Variants in PIK3R5 observed in about 807,000 individuals in gnomAD.
PIK3R5 encodes phosphoinositide-3-kinase regulatory subunit 5, also known as phosphoinositide 3-kinase regulatory subunit 5.
Under a neutral mutation model 94.9 loss-of-function variants are expected in PIK3R5, and 32 were observed. The ratio of observed to expected loss-of-function variants is 0.34; its 90% CI spans 0.25 to 0.45. The LOEUF (loss-of-function observed/expected upper bound fraction) is 0.45, where lower values mean the gene tolerates loss of function less well. PIK3R5 is among the 20% of genes least tolerant of loss of function. PIK3R5 has a pLI of 1.00. For missense variants in PIK3R5, 853 were observed against 1,144.6 expected, an observed-to-expected ratio of 0.75 and a Z score of 3.68; for synonymous variants, 443 against 479.4, an observed-to-expected ratio of 0.92 and a Z score of 0.99.
At chr17:8,951,818 C>T (rs1233303157) in intron 1 of PIK3R5, among the ~76,000 whole-genome samples, 1 of 152,200 alleles carries the variant, frequency 6.6e-6, no homozygotes, top group African/African-American at 2.4e-5. Context: ...CAAAATTGTT[C>T]TTCCATATCT....
At chr17:8,959,678 C>T (rs1737769832) in intron 1 of PIK3R5, among the ~76,000 whole-genome samples, 1 of 152,192 alleles carries the variant, frequency 6.6e-6, no homozygotes, top group South Asian at 2.1e-4. Flanking sequence ...ACCACCAAGC[C>T]ATGCAGGAAC....
rs7220219 is a variant in PIK3R5, at chr17:8,929,112, A to G, written c.-13-17605T>C. On this transcript the variant is annotated intron_variant, in intron 1 of 18. Coordinates refer to ENST00000447110, the MANE Select transcript of PIK3R5 (RefSeq NM_001142633.3). ...AAATAGATATATATAAAAGCATTAC[A>G]GATAAAATAAAAAATGAATTCTAAA... Among the ~76,000 whole-genome samples, 624 of 152,340 alleles carry G rather than the reference A, an allele frequency of 4.1e-3. 4 individuals are homozygous for G. Among genetic ancestry groups the G allele is most frequent in the African/African-American group, 0.014 (578 of 41,586 alleles).
rs2090516854 is a variant in PIK3R5, at chr17:8,911,162, G to T, written c.103+230C>A. On this transcript the variant is annotated intron_variant, in intron 2 of 18. Transcript: ENST00000447110. The surrounding 1 kb of genome is among the most constrained non-coding windows in gnomAD (Gnocchi z 5.3). ...AGAAGTAAAAGGCAGCCAGCCCTGA[G>T]TAGGATGAGGAAGATGCCGTGGGAG... Among the ~76,000 whole-genome samples, 1 of 152,230 alleles carries T rather than the reference G, an allele frequency of 6.6e-6. No individual in the cohort carries two copies. Among genetic ancestry groups the T allele is most frequent in the African/African-American group, 2.4e-5 (1 of 41,456 alleles).
At chr17:8,959,195 C>T (rs574051211) in intron 1 of PIK3R5, among the ~76,000 whole-genome samples, 4 of 152,266 alleles carry the variant, frequency 2.6e-5, no homozygotes, top group Non-Finnish European at 5.9e-5. Context: ...ACCAGTGAGT[C>T]GCTACCAGTG....
chr17:8,943,661 T>A (rs2091225412), intron 1 of PIK3R5, among the ~76,000 whole-genome samples: 3 of 152,182 alleles, frequency 2.0e-5, no homozygotes, highest in African/African-American at 7.2e-5. Context: ...CAGTCCCAGC[T>A]GTTCAGGAGG....
chr17:8,960,241 A>G (rs769076046), intron 1 of PIK3R5, among the ~76,000 whole-genome samples: 1 of 152,224 alleles, frequency 6.6e-6, no homozygotes, highest in African/African-American at 2.4e-5. Flanking sequence ...TATTCACTAC[A>G]TGGTAGGTAT....
intron 2 of PIK3R5, among the ~76,000 whole-genome samples, chr17:8,910,357 C>G (rs571447440): frequency 6.6e-6 from 1 of 152,342 alleles, no homozygotes; most frequent in South Asian, 2.1e-4. Flanking sequence ...CGATAGCCCT[C>G]TCCCCAGCCC....
At chr17:8,931,323 A>G (rs1330558705) in intron 1 of PIK3R5, among the ~76,000 whole-genome samples, 1 of 152,178 alleles carries the variant, frequency 6.6e-6, no homozygotes, top group Non-Finnish European at 1.5e-5. Context: ...GGGTGCTTTC[A>G]CCATCAGATG....
At position 8,892,511 on chromosome 17, in the gene PIK3R5, G is replaced by C. The variant is rs1032579551; in HGVS notation, c.482+1075C>G. Among the ~76,000 whole-genome samples, 5 of 152,046 alleles carry C rather than the reference G, an allele frequency of 3.3e-5. No individual in the cohort carries two copies. Among genetic ancestry groups the C allele is most frequent in the African/African-American group, 1.2e-4 (5 of 41,384 alleles). On this transcript the variant is annotated intron_variant, in intron 6 of 18. Coordinates refer to ENST00000447110, the MANE Select transcript of PIK3R5 (RefSeq NM_001142633.3). The surrounding 1 kb of genome is among the most constrained non-coding windows in gnomAD (Gnocchi z 4.3). ...AAAATCCCTTTCTCACGGGGTTAAC[G>C]TGAGGATTAAATGAGTCAGCACATG...
intron 1 of PIK3R5, among the ~76,000 whole-genome samples, chr17:8,924,652 T>C (rs1002983341): frequency 3.3e-5 from 5 of 152,148 alleles, no homozygotes; most frequent in African/African-American, 1.2e-4. Context: ...CACGGGCACA[T>C]CTTCACTAGT....
Position 8,888,570 on chromosome 17 carries a change from CGCCT to C in PIK3R5, c.1213_1216del (p.Arg405ValfsTer48). 6 of 1,612,136 alleles carry C rather than the reference CGCCT, an allele frequency of 3.7e-6. No individual in the cohort carries two copies. In the South Asian group the frequency reaches 6.6e-5, roughly 18 times the overall value. On this transcript the variant is annotated frameshift_variant, in exon 10 of 19. Transcript: ENST00000447110. LOFTEE classifies it high-confidence loss of function. The surrounding 1 kb of genome is among the most constrained non-coding windows in gnomAD (Gnocchi z 7.8). ...GTGGCCTCGGCGTTCCTGGCTGCCA[CGCCT>C]CCAAGGCCACTCGGAGGAGCTCTCC...
chr17:8,891,001 T>A, intron 6 of PIK3R5, 89 bp from the exon 7 acceptor site: 2 of 1,305,360 alleles, frequency 1.5e-6, no homozygotes, highest in Non-Finnish European at 2.1e-6. Flanking sequence ...GGTGCTCAGC[T>A]CCACTGAGAC....
At position 8,905,658 on chromosome 17, in the gene PIK3R5, C is replaced by T. The variant is rs201192024; in HGVS notation, c.273+11G>A. On this transcript the variant is annotated intron_variant, in intron 4 of 18. Transcript: ENST00000447110. Reference sequence around the variant, plus strand: ...CCCTCACCTCCAGCATCCTGGCCCACGTGGACTTACACAAAGAACAGTGGA... The same window carrying T: ...CCCTCACCTCCAGCATCCTGGCCCATGTGGACTTACACAAAGAACAGTGGA... 4.0e-5 allele frequency: 64 copies of T among 1,588,302 alleles called. No individual in the cohort carries two copies. Among genetic ancestry groups the T allele is most frequent in the African/African-American group, 1.7e-4 (13 of 74,478 alleles).
chr17:8,888,355 A>C lies in PIK3R5; in HGVS notation c.1432T>G (p.Ser478Ala). The change falls in exon 10 of 19, where the codon TCC becomes GCC. Residue 478 changes from serine to alanine, a missense_variant. Physicochemically the swap from Ser to Ala is moderately conservative, Grantham distance 99. Coordinates refer to ENST00000447110, the MANE Select transcript of PIK3R5 (RefSeq NM_001142633.3). This position sits in a 1 kb window ranked among gnomAD's most constrained non-coding sequence, Gnocchi z 7.8. ...GTACCGAGTTTGGGCTGGGGCAGGG[A>C]GCGGGAGCGCTGGGCCCGGGAAGGG... ...SPPSRAQRSR[S>A]LPQPKLGTQL... 6.2e-7 allele frequency: 1 copy of C among 1,610,610 alleles called. No individual in the cohort carries two copies. The highest frequency in any genetic ancestry group is 8.5e-7 in the Non-Finnish European group (1 of 1,179,262).
chr17:8,899,720 A>G lies in PIK3R5; in HGVS notation c.412+5057T>C, dbSNP rs865861234. ...ACTTAACTGGGGGTGGGAGGGACTC[A>G]GGAATTGGGCAGCAGGCCTGTTGAA... On this transcript the variant is annotated intron_variant, in intron 5 of 18. Transcript: ENST00000447110. Among the ~76,000 whole-genome samples the G allele has an allele frequency of 1.3e-5, 2 of 152,178 alleles. 1 individual carries two copies. Among genetic ancestry groups the G allele is most frequent in the Non-Finnish European group, 2.9e-5 (2 of 68,030 alleles).
chr17:8,964,332 A>C (rs1424868239), intron 1 of PIK3R5, among the ~76,000 whole-genome samples: 1 of 152,286 alleles, frequency 6.6e-6, no homozygotes, highest in East Asian at 1.9e-4. Context: ...TTAAGGCTGC[A>C]GTGAGCCATG....
intron 5 of PIK3R5, among the ~76,000 whole-genome samples, chr17:8,895,106 AGGACTTG>A (rs1205595882): frequency 6.6e-6 from 1 of 152,150 alleles, no homozygotes; most frequent in Non-Finnish European, 1.5e-5. Flanking sequence ...CTATTACATC[AGGACTTG>A]GGACACCATC....
chr17:8,894,195 C>T (rs1186017344), intron 5 of PIK3R5, among the ~76,000 whole-genome samples: 1 of 152,232 alleles, frequency 6.6e-6, no homozygotes, highest in Non-Finnish European at 1.5e-5. Flanking sequence ...CATGGCTTGA[C>T]CAACTTAAAG....
chr17:8,924,722 C>A (rs1298412224), intron 1 of PIK3R5, among the ~76,000 whole-genome samples: 1 of 152,214 alleles, frequency 6.6e-6, no homozygotes, highest in Non-Finnish European at 1.5e-5. Context: ...CTCAAATTCT[C>A]CCCCTCCATC....
Sources: allele counts gnomAD v4.1 joint callset (sites outside exome capture counted in the v4.1 genomes callset), GRCh38; gene constraint gnomAD v4.1.1; non-coding constraint Gnocchi (gnomAD v3.1); transcripts MANE v1.5; gene names NCBI Gene and HGNC (gene_info 2026-07-23, HGNC 2026-07-21).